The following WDFY3 variants were observed in gnomAD, a reference collection of about 807,000 sequenced individuals.
WDFY3 encodes the protein WD repeat and FYVE domain-containing protein 3.
Under a neutral mutation model 409.6 loss-of-function variants are expected in WDFY3, and 66 were observed. That is an observed-to-expected ratio of 0.16 (90% confidence interval 0.13 to 0.20). WDFY3 has a LOEUF of 0.20. WDFY3 is among the 10% of genes least tolerant of loss of function. The probability of loss-of-function intolerance (pLI) is 1.00; values close to 1 mark genes in which losing one functional copy is unlikely to be tolerated. For missense variants in WDFY3, 3,031 were observed against 4,298.1 expected (o/e 0.71, Z 8.24); for synonymous variants, 1,521 against 1,537.1 (o/e 0.99, Z 0.25).
At chr4:84,850,318 C>T (rs780163487) in intron 4 of WDFY3, among the ~76,000 whole-genome samples, 2 of 130,992 alleles carry the variant, frequency 1.5e-5, no homozygotes, top group African/African-American at 2.9e-5. Context: ...GAAATTATAA[C>T]GTTTCTTTTT....
intron 47 of WDFY3, among the ~76,000 whole-genome samples, chr4:84,719,368 T>C (rs1734473848): frequency 6.6e-6 from 1 of 152,228 alleles, no homozygotes; most frequent in African/African-American, 2.4e-5. Flanking sequence ...CAAAGGGCAG[T>C]ATCTAATTCT....
At chr4:84,772,710 TA>T in intron 30 of WDFY3, 124 bp downstream of exon 30, 1 of 773,072 alleles carries the variant, frequency 1.3e-6, no homozygotes, top group South Asian at 1.9e-5. Context: ...AAACGTAATG[TA>T]AGGAGAAAAG....
At chr4:84,713,539 T>C (rs1039110440) in intron 50 of WDFY3, among the ~76,000 whole-genome samples, 1 of 152,188 alleles carries the variant, frequency 6.6e-6, no homozygotes, top group Non-Finnish European at 1.5e-5. Flanking sequence ...CCAATCAACA[T>C]CCACAGGCCC....
intron 5 of WDFY3, among the ~76,000 whole-genome samples, chr4:84,846,788 C>T (rs1438884933): frequency 6.6e-6 from 1 of 151,540 alleles, no homozygotes; most frequent in Non-Finnish European, 1.5e-5. Context: ...ATTAAAATAG[C>T]AGAGAGATTC....
rs546988747 is a variant in WDFY3 at position 84,940,372 on chromosome 4, G to A, written c.-225-8009C>T. 5.9e-5 allele frequency among the ~76,000 whole-genome samples: 9 copies of A among 151,722 alleles called. No individual in the cohort carries two copies. In the East Asian group the frequency reaches 1.4e-3, roughly 23 times the overall value. On this transcript the variant is annotated intron_variant, in intron 1 of 67. Transcript: ENST00000295888. ...CAATACTAATTTAAAATACATTCAG[G>A]TTCATTTGTTTCAGTGGATTAGGAT...
chr4:84,713,271 G>T, intron 50 of WDFY3, 32 bp from the exon 51 acceptor site: 1 of 1,587,572 alleles, frequency 6.3e-7, no homozygotes, highest in Non-Finnish European at 8.6e-7. Flanking sequence ...AAAATTACAA[G>T]TGAAGTCTCA....
intron 5 of WDFY3, chr4:84,849,653 CAG>C (rs1758607942): frequency 1.2e-5 from 3 of 255,576 alleles, no homozygotes; most frequent in African/African-American, 2.3e-5. Context: ...CAAAGGGAAA[CAG>C]AGTATTTTAA....
In WDFY3 at chr4:84,850,007, G is replaced by A; in HGVS notation, c.199C>T (p.Pro67Ser). Residue 67 changes from proline to serine, a missense_variant, in exon 5 of 68, where the codon CCG (proline) becomes TCG (serine). This residue lies in a region of WDFY3 where 1,322 missense variants were observed against 1,697.9 expected (regional missense o/e 0.78). Coordinates refer to ENST00000295888, the MANE Select transcript of WDFY3 (RefSeq NM_014991.6). ...VFNRVFGNAP[P>S]NTMTEKFSDL... ...GAAAATTTTTCTGTCATTGTATTCG[G>A]CGGAGCATTTCCAAAAACCTGTAGA... is the stretch of plus-strand genomic sequence containing the variant. 6.3e-7 allele frequency: 1 copy of A among 1,597,284 alleles called. No homozygotes were observed. The highest frequency in any genetic ancestry group is 8.5e-7 in the Non-Finnish European group (1 of 1,172,738).
At chr4:84,801,898 C>G (rs767675697) in intron 16 of WDFY3, 34 bp from the exon 17 acceptor site, 1 of 1,587,278 alleles carries the variant, frequency 6.3e-7, no homozygotes, top group East Asian at 2.2e-5. Flanking sequence ...ACAGTCAGGT[C>G]ATTCTTAGTG....
At chr4:84,898,564 A>G (rs914118688) in intron 2 of WDFY3, among the ~76,000 whole-genome samples, 2 of 152,068 alleles carry the variant, frequency 1.3e-5, no homozygotes, top group African/African-American at 4.8e-5. Flanking sequence ...TGGTCTTCCC[A>G]CCTCCCTGAT....
chr4:84,965,903 TTCCGC>T (rs1554034708), intron 1 of WDFY3: 4 of 152,362 alleles, frequency 2.6e-5, no homozygotes, highest in Non-Finnish European at 4.4e-5. Context: ...AATATCCCGG[TTCCGC>T]TCCGCTCCGC....
intron 1 of WDFY3, among the ~76,000 whole-genome samples, chr4:84,955,291 G>A (rs1774102138): frequency 1.3e-5 from 2 of 151,708 alleles, no homozygotes; most frequent in Admixed American, 6.6e-5. Flanking sequence ...GAGGAATTAA[G>A]AAGAATGCCA....
intron 14 of WDFY3, 77 bp from the exon 15 acceptor site, chr4:84,808,494 C>T (rs1751913097): frequency 8.2e-7 from 1 of 1,213,838 alleles, no homozygotes; most frequent in Non-Finnish European, 1.2e-6. Context: ...TGGTTAGTTT[C>T]ACAAGAAATG....
At chr4:84,760,991 T>C (rs1286554705) in intron 32 of WDFY3, among the ~76,000 whole-genome samples, 1 of 151,210 alleles carries the variant, frequency 6.6e-6, no homozygotes, top group African/African-American at 2.4e-5. Flanking sequence ...GTCCCAGAGA[T>C]TCTGGTATGT....
chr4:84,809,665 G>C, intron 14 of WDFY3: 1 of 433,652 alleles, frequency 2.3e-6, no homozygotes, highest in Non-Finnish European at 4.0e-6. Flanking sequence ...AGAACTAATT[G>C]AACCTGAATT....
intron 44 of WDFY3, among the ~76,000 whole-genome samples, chr4:84,728,178 G>A (rs1281643999): frequency 6.6e-6 from 1 of 151,984 alleles, no homozygotes; most frequent in Non-Finnish European, 1.5e-5. Context: ...TGAAGAAAAC[G>A]GATTCTTCAA....
At chr4:84,818,155 A>AC (rs1466351762) in intron 12 of WDFY3, among the ~76,000 whole-genome samples, 1 of 152,100 alleles carries the variant, frequency 6.6e-6, no homozygotes, top group Non-Finnish European at 1.5e-5. Flanking sequence ...CTCATCCCCT[A>AC]CCATATAGAG....
intron 64 of WDFY3, among the ~76,000 whole-genome samples, chr4:84,679,710 C>T (rs1726997759): frequency 6.6e-6 from 1 of 151,944 alleles, no homozygotes; most frequent in Admixed American, 6.6e-5. Flanking sequence ...TCTGAATCAC[C>T]CAATTCCTTC....
chr4:84,802,778 A>G (rs959606015), intron 16 of WDFY3, among the ~76,000 whole-genome samples: 4 of 152,226 alleles, frequency 2.6e-5, no homozygotes, highest in Non-Finnish European at 5.9e-5. Context: ...TTTTATAGAA[A>G]TAGCAGGGAT....
Sources: allele counts gnomAD v4.1 joint callset (sites outside exome capture counted in the v4.1 genomes callset), GRCh38; gene constraint gnomAD v4.1.1; regional missense constraint gnomAD v4.1.1; transcripts MANE v1.5; gene names NCBI Gene and HGNC (gene_info 2026-07-23, HGNC 2026-07-21).